SLC38A4: variants seen among roughly 807,000 people sequenced by gnomAD.
The protein encoded by SLC38A4 is sodium-coupled neutral amino acid transporter 4.
In SLC38A4, 20 loss-of-function variants were observed where a neutral mutation model predicts 63.1. That is an observed-to-expected ratio of 0.32 (90% CI 0.22 to 0.46). The LOEUF (loss-of-function observed/expected upper bound fraction) is 0.46. SLC38A4 is among the 20% of genes least tolerant of loss of function. The pLI is 1.00. For synonymous variants in SLC38A4, 230 were observed against 225.5 expected (o/e 1.02, Z -0.18); for missense variants, 526 against 663.6 (o/e 0.79, Z 2.28).
In SLC38A4 at chr12:46,766,736, A is replaced by G. The variant is rs552028739; in HGVS notation, c.1609T>C (p.Trp537Arg). The G allele has an allele frequency of 9.3e-6, 15 of 1,611,996 alleles. No individual in the cohort carries two copies. The South Asian group carries it at 1.7e-4, about 18-fold the overall frequency. ...TTGGAATTTGGAGGATCATAAATCC[A>G]GTCAATTATAATGAGTGCCATGCTT... ...IGSMALIIID[W>R]IYDPPNSKHH The change falls in exon 17 of 17, where the codon TGG (tryptophan) becomes CGG (arginine). Residue 537 changes from tryptophan to arginine, a missense_variant. By Grantham distance (101) the Trp-to-Arg change is moderately radical. Transcript: ENST00000266579.
intron 1 of SLC38A4, among the ~76,000 whole-genome samples, chr12:46,814,561 G>A (rs965917787): frequency 6.6e-5 from 10 of 151,928 alleles, no homozygotes; most frequent in African/African-American, 2.2e-4. Context: ...AAATGCTAAA[G>A]TAAGTGACCT....
rs1938309413 is a variant in SLC38A4 at position 46,766,759 on chromosome 12, C to T, written c.1586G>A (p.Ser529Asn). ...LVVGIFFMIGSMALIIIDWIY... is the reference protein window; with the variant it reads ...LVVGIFFMIGNMALIIIDWIY... ...CCAGTCAATTATAATGAGTGCCATG[C>T]TTCCAATCATGAAGAATATTCCAAC... is the stretch of plus-strand genomic sequence containing the variant. The change falls in exon 17 of 17, where the codon AGC (serine) becomes AAC (asparagine). Residue 529 changes from serine (S) to asparagine (N), a missense_variant. Transcript: ENST00000266579. 2 of 1,612,072 alleles carry T rather than the reference C, an allele frequency of 1.2e-6. No individual in the cohort carries two copies. Among genetic ancestry groups the T allele is most frequent in the East Asian group, 2.2e-5 (1 of 44,770 alleles).
intron 14 of SLC38A4, 118 bp from the exon 15 acceptor site, chr12:46,769,546 T>C (rs1592173363): frequency 1.8e-6 from 2 of 1,128,038 alleles, no homozygotes; most frequent in Non-Finnish European, 1.2e-6. Context: ...CCAGAAAAGA[T>C]GTTGATGCTT....
At chr12:46,780,603 GTT>G (rs66775916) in intron 7 of SLC38A4, among the ~76,000 whole-genome samples, 2,975 of 149,342 alleles carry the variant, frequency 0.02, 49 homozygotes, top group Non-Finnish European at 0.031. Flanking sequence ...TGTCAAAGAA[GTT>G]TTTTTTTTTC....
intron 7 of SLC38A4, among the ~76,000 whole-genome samples, chr12:46,783,120 T>C (rs1565666965): frequency 1.4e-5 from 2 of 147,242 alleles, no homozygotes; most frequent in African/African-American, 5.0e-5. Flanking sequence ...AAAGAAGGCA[T>C]GGATGATTTT....
chr12:46,786,455 T>G (rs1480689207), intron 5 of SLC38A4, among the ~76,000 whole-genome samples: 2 of 152,080 alleles, frequency 1.3e-5, no homozygotes, highest in South Asian at 4.1e-4. Context: ...TTTTAAAAAG[T>G]GGAACATTCT....
chr12:46,777,606 A>T (rs1041812309), intron 12 of SLC38A4, among the ~76,000 whole-genome samples: 1 of 152,034 alleles, frequency 6.6e-6, no homozygotes, highest in Non-Finnish European at 1.5e-5. Context: ...GAGAATGAAG[A>T]CTGAGGTTAC....
At chr12:46,771,201 T>C (rs1183432587) in intron 14 of SLC38A4, among the ~76,000 whole-genome samples, 1 of 152,166 alleles carries the variant, frequency 6.6e-6, no homozygotes, top group East Asian at 1.9e-4. Flanking sequence ...TTCTACATTA[T>C]GATCTGCAAT....
At chr12:46,771,320 A>G (rs1159904579) in intron 14 of SLC38A4, among the ~76,000 whole-genome samples, 1 of 152,116 alleles carries the variant, frequency 6.6e-6, no homozygotes, top group Admixed American at 6.6e-5. Context: ...ACAGTGTTAA[A>G]CAGAATAAAT....
At chr12:46,826,090 A>G (rs1390572434), upstream of SLC38A4, 1 of 152,244 alleles carries the variant, frequency 6.6e-6, no homozygotes, top group Non-Finnish European at 1.5e-5. Flanking sequence ...TGCAGACAGA[A>G]CAGCGACCTA....
At chr12:46,820,241 T>C (rs1939515368) in intron 1 of SLC38A4, among the ~76,000 whole-genome samples, 1 of 151,992 alleles carries the variant, frequency 6.6e-6, no homozygotes, top group Non-Finnish European at 1.5e-5. Context: ...CTTTCGTGCC[T>C]AACGATAGGC....
intron 13 of SLC38A4, 68 bp downstream of exon 13, chr12:46,776,836 A>G: frequency 1.5e-6 from 2 of 1,368,304 alleles, no homozygotes; most frequent in Non-Finnish European, 2.1e-6. Context: ...TAAAAATCAT[A>G]CCTACCCAGG....
intron 3 of SLC38A4, among the ~76,000 whole-genome samples, chr12:46,792,485 G>A (rs1938910577): frequency 6.6e-6 from 1 of 152,110 alleles, no homozygotes; most frequent in African/African-American, 2.4e-5. Flanking sequence ...TAATGGTCCA[G>A]TAGAGACGTG....
chr12:46,817,718 T>A (rs2120911607), intron 1 of SLC38A4, among the ~76,000 whole-genome samples: 1 of 151,996 alleles, frequency 6.6e-6, no homozygotes, highest in East Asian at 1.9e-4. Flanking sequence ...TGGGTCTTAC[T>A]CTTTTTCTCT....
At chr12:46,827,632 C>T (rs1376974050), upstream of SLC38A4, among the ~76,000 whole-genome samples, 1 of 152,024 alleles carries the variant, frequency 6.6e-6, no homozygotes, top group African/African-American at 2.4e-5. Flanking sequence ...CCATTAAAAA[C>T]TAAAATCAGA....
chr12:46,791,528 GAGA>G (rs774330744), intron 3 of SLC38A4, among the ~76,000 whole-genome samples: 1 of 152,184 alleles, frequency 6.6e-6, no homozygotes, highest in Non-Finnish European at 1.5e-5. Flanking sequence ...TAAATAAAAT[GAGA>G]AGTCTTTGTT....
intron 1 of SLC38A4, among the ~76,000 whole-genome samples, chr12:46,807,679 A>AT (rs1272181831): frequency 1.3e-5 from 2 of 152,014 alleles, no homozygotes; most frequent in African/African-American, 4.8e-5. Context: ...TGTTACAGAA[A>AT]TCTTCCTAAA....
rs772310101 is a variant in SLC38A4 at position 46,778,350 on chromosome 12, T to G, written c.1012A>C (p.Ile338Leu). 2.2e-5 allele frequency: 35 copies of G among 1,612,554 alleles called. No homozygotes were observed. Among genetic ancestry groups the G allele is most frequent in the Non-Finnish European group, 2.9e-5 (34 of 1,179,194 alleles). ...FNSRTAYAIP[I>L]LVFAFVCHPE... ...TGGCATACAAAAGCAAATACTAGGA[T>G]AGGAATTGCATAGGCCGTCTGAAAA... Residue 338 changes from isoleucine (I) to leucine (L), a missense_variant, in exon 12 of 17, where the codon ATC (isoleucine) becomes CTC (leucine). Transcript: ENST00000266579.
intron 1 of SLC38A4, among the ~76,000 whole-genome samples, chr12:46,805,963 T>C (rs560695080): frequency 5.1e-4 from 77 of 151,856 alleles, no homozygotes; most frequent in African/African-American, 1.8e-3. Context: ...ACCTACTTAG[T>C]GTCAGCAGAA....
Sources: allele counts gnomAD v4.1 joint callset (sites outside exome capture counted in the v4.1 genomes callset), GRCh38; gene constraint gnomAD v4.1.1; transcripts MANE v1.5; gene names NCBI Gene and HGNC (gene_info 2026-07-23, HGNC 2026-07-21).